CTBP2: variants seen among roughly 807,000 people sequenced by gnomAD.
The protein encoded by CTBP2 is C-terminal-binding protein 2.
In CTBP2, 30 loss-of-function variants were observed where a neutral mutation model predicts 80.3. The observed-to-expected ratio is 0.37, with a 90% CI of 0.28 to 0.51. The LOEUF is 0.51. Among genes scored for constraint, CTBP2 ranks in the 20% least tolerant of loss-of-function variants. The pLI is 0.93. For synonymous variants in CTBP2, 594 were observed against 587.4 expected (o/e 1.01, Z -0.16); for missense variants, 1,212 against 1,375.3 (o/e 0.88, Z 1.88).
chr10:125,024,254 C>T (rs1250422267), intron 1 of CTBP2, among the ~76,000 whole-genome samples: 2 of 152,196 alleles, frequency 1.3e-5, no homozygotes, highest in African/African-American at 4.8e-5. Flanking sequence ...GGGGATAATG[C>T]CACAATCAGC....
At chr10:125,003,827 G>C (rs1423182953) in intron 1 of CTBP2, among the ~76,000 whole-genome samples, 7 of 151,942 alleles carry the variant, frequency 4.6e-5, no homozygotes, top group Non-Finnish European at 7.4e-5. Context: ...CTCCCTGCCT[G>C]CACCGGCACC....
At chr10:125,127,580 A>G (rs1047965436) in intron 1 of CTBP2, among the ~76,000 whole-genome samples, 1 of 152,190 alleles carries the variant, frequency 6.6e-6, no homozygotes, top group Non-Finnish European at 1.5e-5. Context: ...AAGGACCCAC[A>G]TGGAATGGCC....
chr10:125,040,772 C>T (rs2135015516), intron 2 of CTBP2, among the ~76,000 whole-genome samples: 1 of 152,320 alleles, frequency 6.6e-6, no homozygotes, highest in East Asian at 1.9e-4. Context: ...GGTCAGACTG[C>T]AGGTCTACCA....
chr10:125,136,681 G>A (rs1159141331), intron 1 of CTBP2, among the ~76,000 whole-genome samples: 1 of 152,162 alleles, frequency 6.6e-6, no homozygotes, highest in African/African-American at 2.4e-5. Context: ...ACAAACCCTT[G>A]CAGAGAATGT....
chr10:125,040,746 A>G (rs1390970090), intron 2 of CTBP2, among the ~76,000 whole-genome samples: 1 of 152,190 alleles, frequency 6.6e-6, no homozygotes, highest in East Asian at 1.9e-4. Flanking sequence ...AAACATTAAG[A>G]GTTACTTTAT....
intron 1 of CTBP2, among the ~76,000 whole-genome samples, chr10:125,114,743 G>C (rs974418834): frequency 6.6e-6 from 1 of 151,980 alleles, no homozygotes; most frequent in Non-Finnish European, 1.5e-5. Flanking sequence ...AACTCATAGC[G>C]TTCTTTCAGA....
intron 1 of CTBP2, among the ~76,000 whole-genome samples, chr10:125,145,703 C>T (rs749116367): frequency 6.6e-6 from 1 of 152,140 alleles, no homozygotes; most frequent in Non-Finnish European, 1.5e-5. Flanking sequence ...CCACCACCAG[C>T]ACCACCGTCC....
At chr10:125,056,196 G>GTAATAATAA (rs1161257545) in intron 2 of CTBP2, among the ~76,000 whole-genome samples, 1 of 147,732 alleles carries the variant, frequency 6.8e-6, no homozygotes, top group Non-Finnish European at 1.5e-5. Context: ...AATAATAATA[G>GTAATAATAA]TAATAATAAT....
At chr10:125,053,699 C>G (rs1473778775) in intron 2 of CTBP2, among the ~76,000 whole-genome samples, 1 of 152,152 alleles carries the variant, frequency 6.6e-6, no homozygotes, top group Non-Finnish European at 1.5e-5. Context: ...CAGACACGCT[C>G]CTGAAGATGG....
intron 3 of CTBP2, chr10:125,000,839 G>A (rs1379053937): frequency 1.3e-5 from 2 of 152,286 alleles, no homozygotes; most frequent in African/African-American, 4.8e-5. Context: ...TTGACCGCAT[G>A]ATGTGGGGAA....
At position 124,989,374 on chromosome 10, in the gene CTBP2, G is replaced by A. The variant is rs1422398204; in HGVS notation, c.*144C>T. The A allele has an allele frequency of 2.1e-6, 2 of 930,494 alleles. No homozygotes were observed. The highest frequency in any genetic ancestry group is 2.8e-5 in the South Asian group (2 of 72,318). 57.6% of individuals were successfully genotyped at this position (930,494 alleles called of 1,614,324 possible). On this transcript the variant is annotated 3_prime_UTR_variant, in exon 9 of 9. Transcript: ENST00000309035. ...CGACATCTTCAGTTTTCTAGCTCTT[G>A]TAGTTTCAACACTGCAACATCAATG...
rs555691819 is a variant in CTBP2 at position 125,103,994 on chromosome 10, A to G, written c.-102+6996T>C. Among the ~76,000 whole-genome samples the G allele has an allele frequency of 6.0e-4, 92 of 152,344 alleles. 2 individuals carry two copies. The South Asian group carries it at 0.018, about 30-fold the overall frequency. ...ACAACAAAGGTTTCCTTTGAGTTAA[A>G]CAACGTATAGCTGAACCGGAAGAGG... On this transcript the variant is annotated intron_variant, in intron 2 of 10. Coordinates refer to the CTBP2 transcript ENST00000337195.
upstream of CTBP2, among the ~76,000 whole-genome samples, chr10:125,031,629 T>C (rs545727633): frequency 1.3e-5 from 2 of 150,480 alleles, no homozygotes; most frequent in East Asian, 2.0e-4. Context: ...ACTGGTTACA[T>C]AGCAAACACA....
chr10:125,085,892 G>A (rs911198965), intron 2 of CTBP2, among the ~76,000 whole-genome samples: 3 of 152,230 alleles, frequency 2.0e-5, no homozygotes, highest in Non-Finnish European at 4.4e-5. Flanking sequence ...GCAACGCCCA[G>A]TGCCTTCGTG....
intron 3 of CTBP2, chr10:124,999,792 A>C (rs1308570962): frequency 6.6e-6 from 1 of 152,404 alleles, no homozygotes. Context: ...TTATTAAGTC[A>C]GACAGACTGA....
chr10:125,013,660 G>A (rs1956164455), intron 1 of CTBP2, among the ~76,000 whole-genome samples: 1 of 152,204 alleles, frequency 6.6e-6, no homozygotes, highest in African/African-American at 2.4e-5. Context: ...TGCCGTAGGC[G>A]CTGCTGTTTC....
intron 1 of CTBP2, among the ~76,000 whole-genome samples, chr10:125,152,744 AG>A (rs949242306): frequency 8.5e-5 from 13 of 152,130 alleles, no homozygotes; most frequent in African/African-American, 2.9e-4. Flanking sequence ...CCCGAGATAA[AG>A]GAATCAGGTC....
intron 2 of CTBP2, among the ~76,000 whole-genome samples, chr10:125,083,678 G>C (rs929072986): frequency 5.3e-5 from 8 of 152,156 alleles, no homozygotes; most frequent in African/African-American, 1.9e-4. Flanking sequence ...CTGCCTCCCA[G>C]GCTGGAGTGC....
intron 2 of CTBP2, among the ~76,000 whole-genome samples, chr10:125,088,652 T>C (rs1051564608): frequency 1.3e-5 from 2 of 152,192 alleles, no homozygotes; most frequent in South Asian, 2.1e-4. Flanking sequence ...CACCTGAAAA[T>C]GTCTCTCTCC....
Sources: gnomAD v4.1 joint callset for allele counts (sites outside exome capture counted in the v4.1 genomes callset) on GRCh38, gnomAD v4.1.1 for gene constraint, MANE v1.5 for transcripts, NCBI Gene and HGNC (gene_info 2026-07-23, HGNC 2026-07-21) for gene names.